Variants in PHKA1 observed in about 807,000 individuals in gnomAD.
PHKA1 encodes phosphorylase kinase regulatory subunit alpha 1, also known as phosphorylase b kinase regulatory subunit alpha, skeletal muscle isoform.
A neutral mutation model predicts 110.2 loss-of-function variants in PHKA1; 60 were observed. The ratio of observed to expected loss-of-function variants is 0.54; its 90% CI spans 0.44 to 0.68. PHKA1 has a LOEUF of 0.68. Ranked by LOEUF, PHKA1 falls within the 30% of genes least tolerant of loss-of-function variation. PHKA1 has a pLI of 0.00. For synonymous variants in PHKA1, 316 were observed against 333.6 expected, an observed-to-expected ratio of 0.95 and a Z score of 0.58; for missense variants, 801 against 942.5, an observed-to-expected ratio of 0.85 and a Z score of 1.97.
intron 2 of PHKA1, chrX:72,709,283 T>A (rs992347785): frequency 9.1e-6 from 1 of 109,777 alleles, no homozygotes; most frequent in Non-Finnish European, 1.9e-5. Context: ...CAAAGAGATA[T>A]CCCTATTTGT....
chrX:72,690,662 CTATTCTGTGG>C (rs782565525), intron 4 of PHKA1, among the ~76,000 whole-genome samples: 1 of 112,545 alleles, frequency 8.9e-6, no homozygotes, highest in East Asian at 2.8e-4. Context: ...TTTAAGCCAC[CTATTCTGTGG>C]TATTCTGTTG....
chrX:72,616,240 C>T (rs1236362521), intron 21 of PHKA1, among the ~76,000 whole-genome samples: 1 of 111,587 alleles, frequency 9.0e-6, no homozygotes, highest in Non-Finnish European at 1.9e-5. Flanking sequence ...TGGTGGCATG[C>T]ACCTGTGGTC....
At position 72,637,789 on chromosome X, in the gene PHKA1, GA is replaced by G. The variant is rs1556292705; in HGVS notation, c.1460-1404del. Among the ~76,000 whole-genome samples the G allele has an allele frequency of 3.6e-5, 4 of 111,532 alleles. No homozygotes were observed. In the East Asian group the frequency reaches 1.1e-3, roughly 31 times the overall value. On this transcript the variant is annotated intron_variant, in intron 14 of 31. Coordinates refer to ENST00000373542, the MANE Select transcript of PHKA1 (RefSeq NM_002637.4). ...TACAGAAATCATCATTTGGGCTCTT[GA>G]TAGGGCTTGCATAGAATCTGTTGAT... is the stretch of plus-strand genomic sequence containing the variant.
intron 23 of PHKA1, 50 bp downstream of exon 23, chrX:72,609,574 T>C: frequency 1.1e-6 from 1 of 875,695 alleles, no homozygotes; most frequent in Non-Finnish European, 1.7e-6. Flanking sequence ...GAATTCTAAG[T>C]CCACACCACT....
intron 5 of PHKA1, among the ~76,000 whole-genome samples, chrX:72,682,223 G>A (rs1185307545): frequency 1.4e-4 from 12 of 86,915 alleles, no homozygotes; most frequent in Admixed American, 4.8e-4. Flanking sequence ...CAGCCGCCCC[G>A]TCCGGGAGGG....
intron 17 of PHKA1, among the ~76,000 whole-genome samples, chrX:72,625,881 G>A (rs1426586870): frequency 9.0e-6 from 1 of 111,284 alleles, no homozygotes; most frequent in Non-Finnish European, 1.9e-5. Flanking sequence ...GGCCAGGCTG[G>A]TCTTGAACTC....
intron 7 of PHKA1, among the ~76,000 whole-genome samples, chrX:72,666,670 T>C (rs1299735316): frequency 1.8e-5 from 2 of 111,856 alleles, no homozygotes; most frequent in Non-Finnish European, 3.8e-5. Flanking sequence ...CCACCCACAG[T>C]CCTGTTGCTC....
intron 29 of PHKA1, 112 bp downstream of exon 29, chrX:72,592,992 G>A: frequency 1.8e-6 from 1 of 548,992 alleles, no homozygotes; most frequent in Admixed American, 2.4e-5. Context: ...GTCTATCTGA[G>A]TTATGACTTT....
intron 21 of PHKA1, among the ~76,000 whole-genome samples, chrX:72,612,689 G>A (rs1372711020): frequency 9.0e-6 from 1 of 111,269 alleles, no homozygotes; most frequent in African/African-American, 3.3e-5. Context: ...TCTAGATTGT[G>A]GTAATATATT....
intron 6 of PHKA1, among the ~76,000 whole-genome samples, chrX:72,670,467 C>T (rs1481431109): frequency 9.0e-6 from 1 of 111,694 alleles, no homozygotes; most frequent in African/African-American, 3.3e-5. Flanking sequence ...AAAAAAAGTC[C>T]AGGACCAGAT....
intron 29 of PHKA1, among the ~76,000 whole-genome samples, chrX:72,586,979 G>A (rs1193536134): frequency 9.0e-6 from 1 of 111,357 alleles, no homozygotes; most frequent in Non-Finnish European, 1.9e-5. Flanking sequence ...AAGTGACGGG[G>A]AGAATGGAAC....
Position 72,644,354 on chromosome X carries a change from C to A in PHKA1, c.1459+8G>T. On this transcript the variant is annotated splice_region_variant and intron_variant, in intron 14 of 31. Coordinates refer to ENST00000373542, the MANE Select transcript of PHKA1 (RefSeq NM_002637.4). ...CTTTGATTCTAGCAGGCTAGCCAAT[C>A]TCCTTACCTAGGCTGGAATAAATGT... is the stretch of plus-strand genomic sequence containing the variant. 8.3e-7 allele frequency: 1 copy of A among 1,208,513 alleles called. No individual in the cohort carries two copies. Among genetic ancestry groups the A allele is most frequent in the Admixed American group, 2.2e-5 (1 of 45,913 alleles).
chrX:72,673,929 A>G (rs2053740354), intron 6 of PHKA1, among the ~76,000 whole-genome samples: 1 of 105,077 alleles, frequency 9.5e-6, no homozygotes, highest in Admixed American at 1.0e-4. Context: ...AACATTAGGT[A>G]TATCTCCTAA....
chrX:72,593,116 T>C lies in PHKA1; in HGVS notation c.3231A>G (p.Lys1077=). 1 of 1,194,404 alleles carries C rather than the reference T, an allele frequency of 8.4e-7. No individual in the cohort carries two copies. The highest frequency in any genetic ancestry group is 1.8e-5 in the South Asian group (1 of 56,580). Residue 1077 remains lysine (K), a synonymous_variant, in exon 29 of 32, where the codon AAA becomes AAG. Transcript: ENST00000373542. ...GTATTATGCTCACCTTCTGCAAAAC[T>C]TTCCATACTTTCTGATAAAATCCAA... ...VPVGFYQKVW[K]VLQKCHGLSV...
chrX:72,698,747 T>C (rs1406567958), intron 3 of PHKA1, among the ~76,000 whole-genome samples: 1 of 112,676 alleles, frequency 8.9e-6, no homozygotes, highest in Non-Finnish European at 1.9e-5. Context: ...AGGACTGTTA[T>C]TCTCTTTGTT....
chrX:72,632,003 T>C (rs1292674938), intron 16 of PHKA1, among the ~76,000 whole-genome samples: 1 of 112,157 alleles, frequency 8.9e-6, no homozygotes, highest in Non-Finnish European at 1.9e-5. Context: ...CTAATAATTA[T>C]TTGGGAAAAA....
intron 6 of PHKA1, among the ~76,000 whole-genome samples, chrX:72,671,722 C>G (rs1315348547): frequency 9.0e-6 from 1 of 111,545 alleles, no homozygotes; most frequent in Non-Finnish European, 1.9e-5. Context: ...CAGCATGGTA[C>G]TGGTACCAAA....
At chrX:72,707,819 G>A (rs1556333141) in intron 2 of PHKA1, 3 of 111,429 alleles carry the variant, frequency 2.7e-5, no homozygotes. Context: ...TAAACATTTT[G>A]TACCATTTTC....
In PHKA1 at chrX:72,656,080, C is replaced by G; in HGVS notation, c.1041+40G>C. The stretch of plus-strand genomic sequence containing the variant: ...TACTATTAGCTGTAAGAAGATATAA[C>G]AAAAACATTCTGCTGAAAACTCTTT... On this transcript the variant is annotated intron_variant, in intron 10 of 31. Coordinates refer to ENST00000373542, the MANE Select transcript of PHKA1 (RefSeq NM_002637.4). The G allele has an allele frequency of 4.2e-6, 5 of 1,201,513 alleles. No individual in the cohort carries two copies. In the African/African-American group the frequency reaches 8.8e-5, roughly 21 times the overall value.
Sources: allele counts gnomAD v4.1 joint callset (sites outside exome capture counted in the v4.1 genomes callset), GRCh38; gene constraint gnomAD v4.1.1; transcripts MANE v1.5; gene names NCBI Gene and HGNC (gene_info 2026-07-23, HGNC 2026-07-21).